ARHGAP26: variants seen among roughly 807,000 people sequenced by gnomAD.
ARHGAP26 encodes the protein Rho GTPase activating protein 26.
ARHGAP26 carries 38 observed loss-of-function variants against 104.8 expected under a neutral mutation model. The observed-to-expected ratio is 0.36, with a 90% CI of 0.28 to 0.48. The LOEUF (loss-of-function observed/expected upper bound fraction) is 0.48, where lower values mean the gene tolerates loss of function less well. Ranked by LOEUF, ARHGAP26 falls within the 20% of genes least tolerant of loss-of-function variation. The pLI is 0.99. For missense variants in ARHGAP26, 704 were observed against 947.9 expected, an observed-to-expected ratio of 0.74 and a Z score of 3.38; for synonymous variants, 341 against 340.0, an observed-to-expected ratio of 1.00 and a Z score of -0.03.
At chr5:143,203,167 AATCT>A (rs1182861522) in intron 20 of ARHGAP26, 2 of 152,070 alleles carry the variant, frequency 1.3e-5, no homozygotes, top group Non-Finnish European at 2.9e-5. Context: ...AAATTTTTGC[AATCT>A]ATCTGACAAA....
chr5:143,056,037 A>G lies in ARHGAP26; in HGVS notation c.1383A>G (p.Pro461=). The change falls in exon 16 of 23, where the codon CCA becomes CCG. Residue 461 remains proline (P), a synonymous_variant. Coordinates refer to ENST00000645722, the MANE Select transcript of ARHGAP26 (RefSeq NM_001135608.3). ...TCTCCTTTTCCTCCAGAATGCTTCCAGGACCACTCATGATGTACCAGTTTC... is the reference window on the plus strand; with the variant it reads ...TCTCCTTTTCCTCCAGAATGCTTCCGGGACCACTCATGATGTACCAGTTTC... ...SALKTYLRML[P]GPLMMYQFQR... The G allele has an allele frequency of 6.2e-7, 1 of 1,612,956 alleles. No homozygotes were observed. Among genetic ancestry groups the G allele is most frequent in the South Asian group, 1.1e-5 (1 of 90,988 alleles).
chr5:142,887,052 T>G (rs1757813400), intron 5 of ARHGAP26, among the ~76,000 whole-genome samples: 1 of 152,198 alleles, frequency 6.6e-6, no homozygotes, highest in African/African-American at 2.4e-5. Flanking sequence ...GTTGAGCAGG[T>G]GTGTGGTTAT....
At chr5:142,803,004 T>C (rs1762352280) in intron 1 of ARHGAP26, among the ~76,000 whole-genome samples, 1 of 152,192 alleles carries the variant, frequency 6.6e-6, no homozygotes. Flanking sequence ...AGTTCCAGTG[T>C]GTAGTGGCGG....
intron 11 of ARHGAP26, among the ~76,000 whole-genome samples, chr5:143,012,116 A>G (rs1370271589): frequency 2.0e-5 from 3 of 152,200 alleles, no homozygotes; most frequent in Admixed American, 6.5e-5. Context: ...AGGTATATGC[A>G]TTGATGCCTT....
chr5:143,108,723 G>A (rs1387605494), intron 17 of ARHGAP26, among the ~76,000 whole-genome samples: 1 of 152,166 alleles, frequency 6.6e-6, no homozygotes, highest in Non-Finnish European at 1.5e-5. Flanking sequence ...TACCTAGGGT[G>A]GGTATTTCAT....
intron 20 of ARHGAP26, among the ~76,000 whole-genome samples, chr5:143,199,062 AG>A (rs1807301450): frequency 1.3e-5 from 2 of 152,246 alleles, no homozygotes; most frequent in South Asian, 4.1e-4. Context: ...TAAGACCTTA[AG>A]GGGATTTCAC....
chr5:143,193,240 C>CA (rs1806208746), intron 20 of ARHGAP26, among the ~76,000 whole-genome samples: 1 of 74,622 alleles, frequency 1.3e-5, no homozygotes, highest in Non-Finnish European at 2.3e-5. Context: ...ATTTTCTTTT[C>CA]TTTTTTTTTT....
Position 142,961,278 on chromosome 5 carries a change from C to G in ARHGAP26, c.1107+29153C>G, listed in dbSNP as rs141967991. ...GGCTGAGGTGGGAGGATTGCTTGAG[C>G]CCAGGAGTTCCAGACTAGCCTGGGC... On this transcript the variant is annotated intron_variant, in intron 11 of 22. Coordinates refer to ENST00000645722, the MANE Select transcript of ARHGAP26 (RefSeq NM_001135608.3). Among the ~76,000 whole-genome samples, 19 of 151,858 alleles carry G rather than the reference C, an allele frequency of 1.3e-4. No homozygotes were observed. The East Asian group carries it at 3.7e-3, about 29-fold the overall frequency.
intron 20 of ARHGAP26, among the ~76,000 whole-genome samples, chr5:143,166,886 G>C (rs566960107): frequency 6.6e-6 from 1 of 152,194 alleles, no homozygotes; most frequent in Non-Finnish European, 1.5e-5. Flanking sequence ...TATTTTGGGA[G>C]TAACAGTCAT....
intron 10 of ARHGAP26, among the ~76,000 whole-genome samples, chr5:142,928,967 C>T (rs1764321860): frequency 6.6e-6 from 1 of 152,170 alleles, no homozygotes; most frequent in African/African-American, 2.4e-5. Flanking sequence ...GAGACGGAGT[C>T]TCGCTCTGTC....
chr5:143,173,550 G>T (rs1050240161), intron 20 of ARHGAP26, among the ~76,000 whole-genome samples: 1 of 152,184 alleles, frequency 6.6e-6, no homozygotes, highest in Admixed American at 6.5e-5. Context: ...CAGGCACTTC[G>T]CTTCGCAATT....
At chr5:142,779,499 C>G (rs1159089770) in intron 1 of ARHGAP26, among the ~76,000 whole-genome samples, 1 of 152,086 alleles carries the variant, frequency 6.6e-6, no homozygotes, top group Non-Finnish European at 1.5e-5. Flanking sequence ...CCACACCAAA[C>G]TGTTAACTAG....
At chr5:142,980,159 A>G (rs1381712310) in intron 11 of ARHGAP26, among the ~76,000 whole-genome samples, 1 of 151,618 alleles carries the variant, frequency 6.6e-6, no homozygotes, top group East Asian at 1.9e-4. Context: ...TATACCATCT[A>G]CTCTTTGTGT....
chr5:143,024,660 C>T (rs146354784), intron 12 of ARHGAP26, among the ~76,000 whole-genome samples: 55 of 152,176 alleles, frequency 3.6e-4, no homozygotes, highest in African/African-American at 1.3e-3. Context: ...GCTTGATATA[C>T]GTTATGTCAT....
chr5:142,779,735 A>G (rs1757118009), intron 1 of ARHGAP26, among the ~76,000 whole-genome samples: 1 of 152,224 alleles, frequency 6.6e-6, no homozygotes, highest in African/African-American at 2.4e-5. Context: ...ATAGATCTCC[A>G]AGCTGACTGA....
chr5:142,867,118 G>C (rs938491635), intron 1 of ARHGAP26, among the ~76,000 whole-genome samples: 7 of 152,142 alleles, frequency 4.6e-5, no homozygotes, highest in African/African-American at 1.4e-4. Flanking sequence ...TGCCTTTAAG[G>C]CTGGCCCTGT....
intron 19 of ARHGAP26, among the ~76,000 whole-genome samples, chr5:143,136,103 G>T (rs1797879807): frequency 6.6e-6 from 1 of 152,164 alleles, no homozygotes; most frequent in South Asian, 2.1e-4. Flanking sequence ...AATTCCCTAA[G>T]CTTAAAATAG....
chr5:142,842,287 C>T (rs994403000), intron 1 of ARHGAP26, among the ~76,000 whole-genome samples: 5 of 152,192 alleles, frequency 3.3e-5, no homozygotes, highest in East Asian at 1.9e-4. Flanking sequence ...TGTTCTGAAG[C>T]GGCATGTTTC....
intron 21 of ARHGAP26, among the ~76,000 whole-genome samples, chr5:143,211,959 G>A (rs538415134): frequency 2.6e-5 from 4 of 152,208 alleles, no homozygotes; most frequent in African/African-American, 9.6e-5. Context: ...TGGGCACCTG[G>A]ACCACTCCCT....
Sources: allele counts gnomAD v4.1 joint callset (sites outside exome capture counted in the v4.1 genomes callset), GRCh38; gene constraint gnomAD v4.1.1; transcripts MANE v1.5; gene names NCBI Gene and HGNC (gene_info 2026-07-23, HGNC 2026-07-21).